The following CCDC192 variants were observed in gnomAD, a reference collection of about 807,000 sequenced individuals.
The protein encoded by CCDC192 is coiled-coil domain containing 192.
intron 2 of CCDC192, among the ~76,000 whole-genome samples, chr5:127,729,579 G>A (rs1324450226): frequency 6.6e-6 from 1 of 152,050 alleles, no homozygotes. Flanking sequence ...TCTTCTTCGG[G>A]TCACATGGCA....
At chr5:127,754,597 C>A (rs962244999) in intron 3 of CCDC192, among the ~76,000 whole-genome samples, 1 of 151,680 alleles carries the variant, frequency 6.6e-6, no homozygotes, top group Non-Finnish European at 1.5e-5. Context: ...CTGTATGGAC[C>A]TTTTCAGCGT....
At chr5:127,718,667 C>T (rs1035659919) in intron 2 of CCDC192, among the ~76,000 whole-genome samples, 1 of 152,126 alleles carries the variant, frequency 6.6e-6, no homozygotes, top group Non-Finnish European at 1.5e-5. Context: ...ACTTGCTCAT[C>T]CTCTGGAAAC....
chr5:127,894,767 G>C (rs1156758109), intron 6 of CCDC192, among the ~76,000 whole-genome samples: 2 of 152,198 alleles, frequency 1.3e-5, no homozygotes, highest in African/African-American at 4.8e-5. Context: ...TAAGATTTTA[G>C]AACTAGAAAG....
chr5:127,932,030 T>C (rs925071724), intron 6 of CCDC192, among the ~76,000 whole-genome samples: 2 of 151,246 alleles, frequency 1.3e-5, no homozygotes, highest in Non-Finnish European at 2.9e-5. Flanking sequence ...GGTGCGCACC[T>C]GTAGTCCCAC....
chr5:127,883,416 A>C (rs1472631875), intron 6 of CCDC192, among the ~76,000 whole-genome samples: 1 of 152,200 alleles, frequency 6.6e-6, no homozygotes, highest in Non-Finnish European at 1.5e-5. Flanking sequence ...AAATATGATA[A>C]ATTCCTAAGG....
At chr5:127,766,138 C>T (rs1453124057) in intron 3 of CCDC192, among the ~76,000 whole-genome samples, 6 of 152,096 alleles carry the variant, frequency 3.9e-5, no homozygotes, top group Non-Finnish European at 7.3e-5. Context: ...ATGCCTTTTT[C>T]AGAATGGTTT....
At chr5:127,726,890 G>A (rs2126808841) in intron 2 of CCDC192, among the ~76,000 whole-genome samples, 1 of 152,338 alleles carries the variant, frequency 6.6e-6, no homozygotes, top group East Asian at 1.9e-4. Flanking sequence ...GCTCCACCAA[G>A]GGGCCACCAG....
chr5:127,724,484 T>A lies in CCDC192; in HGVS notation c.114+16724T>A, dbSNP rs74437981. Among the ~76,000 whole-genome samples, 375 of 152,336 alleles carry A rather than the reference T, an allele frequency of 2.5e-3. 2 individuals carry two copies. Among genetic ancestry groups the A allele is most frequent in the African/African-American group, 8.7e-3 (363 of 41,584 alleles). ...CTAGAAAGAAGTCTTCCATAGTACT[T>A]GCTTTGTGATCACTCATCATGTAAT... On this transcript the variant is annotated intron_variant, in intron 2 of 6. Transcript: ENST00000514853.
chr5:127,937,757 G>A (rs189081612), intron 6 of CCDC192, among the ~76,000 whole-genome samples: 159 of 152,314 alleles, frequency 1.0e-3, no homozygotes, highest in Middle Eastern at 3.4e-3. Context: ...ATGCAATGCC[G>A]CTTCGCCGCA....
chr5:127,773,069 G>A (rs1166756503), intron 3 of CCDC192, among the ~76,000 whole-genome samples: 12 of 152,148 alleles, frequency 7.9e-5, no homozygotes, highest in African/African-American at 2.7e-4. Context: ...CCTCACAGAA[G>A]AGAAAAGTCA....
At chr5:127,793,764 T>A (rs991889131) in intron 3 of CCDC192, among the ~76,000 whole-genome samples, 3 of 152,214 alleles carry the variant, frequency 2.0e-5, no homozygotes, top group African/African-American at 7.2e-5. Context: ...CTACCAAATA[T>A]ATGTTAGTTT....
chr5:127,907,994 A>AT (rs1338598779), intron 6 of CCDC192, among the ~76,000 whole-genome samples: 1 of 152,220 alleles, frequency 6.6e-6, no homozygotes, highest in African/African-American at 2.4e-5. Flanking sequence ...AGGAAGGAAG[A>AT]TTATTGCCTA....
chr5:127,732,495 A>G (rs1752697447), intron 2 of CCDC192, among the ~76,000 whole-genome samples: 1 of 152,242 alleles, frequency 6.6e-6, no homozygotes, highest in South Asian at 2.1e-4. Flanking sequence ...ATTACTAGGT[A>G]TATACCCAGA....
At chr5:127,842,446 G>C (rs1443238248) in intron 5 of CCDC192, among the ~76,000 whole-genome samples, 1 of 152,106 alleles carries the variant, frequency 6.6e-6, no homozygotes, top group Admixed American at 6.6e-5. Flanking sequence ...TTGACATCCT[G>C]GGCTCAAGCA....
chr5:127,749,109 T>A (rs1753966423), intron 2 of CCDC192, among the ~76,000 whole-genome samples: 1 of 152,168 alleles, frequency 6.6e-6, no homozygotes, highest in Non-Finnish European at 1.5e-5. Context: ...TTTATTTCCT[T>A]CTCCTGCCTA....
intron 6 of CCDC192, among the ~76,000 whole-genome samples, chr5:127,908,487 A>T (rs2127174060): frequency 6.6e-6 from 1 of 152,326 alleles, no homozygotes. Context: ...ACAGAATAAA[A>T]ACCTCAAACA....
chr5:127,815,431 A>G (rs1748962151), intron 5 of CCDC192, among the ~76,000 whole-genome samples: 1 of 152,032 alleles, frequency 6.6e-6, no homozygotes, highest in African/African-American at 2.4e-5. Flanking sequence ...ACATTTGGGG[A>G]TGATAGGGGG....
At chr5:127,894,424 C>A (rs563809138) in intron 6 of CCDC192, among the ~76,000 whole-genome samples, 24 of 152,158 alleles carry the variant, frequency 1.6e-4, no homozygotes, top group African/African-American at 5.8e-4. Flanking sequence ...ATCTCCTGAC[C>A]TCGTGATCCA....
intron 5 of CCDC192, among the ~76,000 whole-genome samples, chr5:127,831,370 A>G (rs767782305): frequency 5.9e-5 from 9 of 151,728 alleles, no homozygotes; most frequent in Admixed American, 2.6e-4. Flanking sequence ...GTGCGTGTGT[A>G]TATGTGTGCG....
Sources: gnomAD v4.1 joint callset for allele counts (sites outside exome capture counted in the v4.1 genomes callset) on GRCh38, gnomAD v4.1.1 for gene constraint, MANE v1.5 for transcripts, NCBI Gene and HGNC (gene_info 2026-07-23, HGNC 2026-07-21) for gene names.